The following MAP9 variants were observed in gnomAD, a reference collection of about 807,000 sequenced individuals.
MAP9 encodes microtubule-associated protein 9.
In MAP9, 80 loss-of-function variants were observed where a neutral mutation model predicts 75.2. That is an observed-to-expected ratio of 1.06 (90% CI 0.89 to 1.28). The LOEUF (loss-of-function observed/expected upper bound fraction) is 1.28. Among genes scored for constraint, MAP9 ranks in the 50% most tolerant of loss-of-function variants. The pLI is 0.00. For missense variants in MAP9, 753 were observed against 719.9 expected, an observed-to-expected ratio of 1.05 and a Z score of -0.53; for synonymous variants, 235 against 237.3, an observed-to-expected ratio of 0.99 and a Z score of 0.09.
At chr4:155,348,508 A>T (rs893411931) in intron 13 of MAP9, among the ~76,000 whole-genome samples, 1 of 152,174 alleles carries the variant, frequency 6.6e-6, no homozygotes, top group Non-Finnish European at 1.5e-5. Context: ...AGTAACTGTT[A>T]TAAGTTGGTG....
chr4:155,351,406 T>C (rs12641825), intron 13 of MAP9, among the ~76,000 whole-genome samples: 91,947 of 150,398 alleles, frequency 0.61, 28,832 homozygotes, highest in East Asian at 0.79. Context: ...TTCTGTTTAA[T>C]CTCAAATTGT....
At position 155,347,829 on chromosome 4, in the gene MAP9, G is replaced by A. The variant is rs1301380723; in HGVS notation, c.1898C>T (p.Pro633Leu). Residue 633 changes from proline (P) to leucine (L), a missense_variant, in exon 14 of 14, where the codon CCT becomes CTT. Transcript: ENST00000311277. ...AGTTCTGCTTGGAGGGCTCCACGGA[G>A]GAAGTGCCTCACTTTCAAGAAAGGA... ...RHSFLESEAL[P>L]PWSPPSRTVF... is the part of the protein sequence containing the mutation. 2 of 1,609,756 alleles carry A rather than the reference G, an allele frequency of 1.2e-6. No individual in the cohort carries two copies. Among genetic ancestry groups the A allele is most frequent in the African/African-American group, 2.7e-5 (2 of 74,706 alleles).
At chr4:155,376,251 C>T (rs1240396687) in intron 1 of MAP9, 3 of 155,080 alleles carry the variant, frequency 1.9e-5, no homozygotes, top group African/African-American at 7.2e-5. Context: ...AAATAAGTCA[C>T]GTCTTATTTA....
chr4:155,368,686 T>C lies in MAP9; in HGVS notation c.608A>G (p.Glu203Gly). The change falls in exon 5 of 14, where the codon GAA becomes GGA. Residue 203 changes from glutamate to glycine, a missense_variant. By Grantham distance (98) the Glu-to-Gly change is moderately conservative. Coordinates refer to ENST00000311277, the MANE Select transcript of MAP9 (RefSeq NM_001039580.2). Reference sequence around the variant, plus strand: ...AGGTGCAGAATGTAACTCCAATTCTTCACTGAGGGCAGTTTCTTTATCTTC... The same window carrying C: ...AGGTGCAGAATGTAACTCCAATTCTCCACTGAGGGCAGTTTCTTTATCTTC... ...GLEDKETALS[E>G]ELELHSAPSS... The C allele has an allele frequency of 6.2e-7, 1 of 1,614,168 alleles. No individual in the cohort carries two copies. The highest frequency in any genetic ancestry group is 1.3e-5 in the African/African-American group (1 of 75,056).
At chr4:155,374,895 A>C (rs759163478) in intron 3 of MAP9, 42 bp downstream of exon 3, 5 of 1,377,324 alleles carry the variant, frequency 3.6e-6, no homozygotes, top group Non-Finnish European at 5.0e-6. Context: ...CTAAGGAAGC[A>C]AAAAGAAGAA....
chr4:155,368,198 TA>T, intron 5 of MAP9: 1 of 300,376 alleles, frequency 3.3e-6, no homozygotes, highest in East Asian at 5.9e-5. Context: ...TTCTTAGCCA[TA>T]AATTACATAA....
At chr4:155,370,976 G>T (rs1169627755) in intron 4 of MAP9, among the ~76,000 whole-genome samples, 2 of 152,144 alleles carry the variant, frequency 1.3e-5, no homozygotes, top group Admixed American at 6.5e-5. Flanking sequence ...TGAGAACAAA[G>T]AGGTCTCATG....
Position 155,373,203 on chromosome 4 carries a change from T to C in MAP9, c.414A>G (p.Glu138=). ...SFSESQNKDE[E]FEKDKIKMKP... ...TCATTTTTATTTTGTCTTTTTCAAATTCCTCATCCTTATTTTGAGATTCAG... is the reference window on the plus strand; with the variant it reads ...TCATTTTTATTTTGTCTTTTTCAAACTCCTCATCCTTATTTTGAGATTCAG... The change falls in exon 4 of 14, where the codon GAA becomes GAG. Residue 138 remains glutamate (E), a synonymous_variant. Transcript: ENST00000311277. The C allele has an allele frequency of 6.2e-7, 1 of 1,601,992 alleles. No individual in the cohort carries two copies. Among genetic ancestry groups the C allele is most frequent in the Non-Finnish European group, 8.5e-7 (1 of 1,175,486 alleles).
At chr4:155,350,696 T>C (rs1280124235) in intron 13 of MAP9, among the ~76,000 whole-genome samples, 1 of 152,030 alleles carries the variant, frequency 6.6e-6, no homozygotes, top group Non-Finnish European at 1.5e-5. Flanking sequence ...CCTTATTTTA[T>C]TACTATTTCT....
Position 155,347,739 on chromosome 4 carries a change from T to C in MAP9, c.*44A>G, listed in dbSNP as rs749707655. The C allele has an allele frequency of 2.0e-5, 31 of 1,545,594 alleles. No individual in the cohort carries two copies. In the South Asian group the frequency reaches 3.4e-4, roughly 17 times the overall value. On this transcript the variant is annotated 3_prime_UTR_variant, in exon 14 of 14. Coordinates refer to ENST00000311277, the MANE Select transcript of MAP9 (RefSeq NM_001039580.2). The stretch of plus-strand genomic sequence containing the variant: ...AATGGTTTTAAATCTATGGCTAATA[T>C]TGGCAAACCGATAAATAACCAAATA...
chr4:155,360,465 G>C (rs199616361), intron 6 of MAP9, 50 bp from the exon 7 acceptor site: 144 of 1,518,608 alleles, frequency 9.5e-5, no homozygotes, highest in Non-Finnish European at 1.2e-4. Flanking sequence ...GAATTAATAA[G>C]GTAAATACTT....
intron 4 of MAP9, among the ~76,000 whole-genome samples, chr4:155,370,855 G>A (rs1732563139): frequency 6.6e-6 from 1 of 152,148 alleles, no homozygotes; most frequent in African/African-American, 2.4e-5. Context: ...TTTATAGAGT[G>A]CTAAATTTAT....
chr4:155,356,189 C>T (rs1731778866), intron 8 of MAP9, among the ~76,000 whole-genome samples: 1 of 151,982 alleles, frequency 6.6e-6, no homozygotes, highest in Non-Finnish European at 1.5e-5. Context: ...ATAGCTTGAG[C>T]CCAGGAGGCA....
At chr4:155,351,318 G>A (rs1458522593) in intron 13 of MAP9, 7 of 151,878 alleles carry the variant, frequency 4.6e-5, no homozygotes, top group Admixed American at 4.6e-4. Context: ...CCATGTATCA[G>A]GGCAAATTCC....
chr4:155,373,374 A>T lies in MAP9; in HGVS notation c.243T>A (p.Asp81Glu). 6.2e-7 allele frequency: 1 copy of T among 1,611,240 alleles called. No individual in the cohort carries two copies. The highest frequency in any genetic ancestry group is 8.5e-7 in the Non-Finnish European group (1 of 1,178,454). Reference protein sequence around the residue: ...KKMNDFHISDDEEKNPSKLLF... With the variant: ...KKMNDFHISDEEEKNPSKLLF... ...ATAGTTTTGAAGGATTCTTTTCTTC[A>T]TCATCTGATATATGAAAGTCATTCA... Residue 81 changes from aspartate to glutamate, a missense_variant, in exon 4 of 14, where the codon GAT (aspartate) becomes GAA (glutamate). Coordinates refer to ENST00000311277, the MANE Select transcript of MAP9 (RefSeq NM_001039580.2).
At position 155,344,742 on chromosome 4, in the gene MAP9, T is replaced by TAA. The variant is rs1175442936; in HGVS notation, c.*3039_*3040dup. ...ATCTAAAATGCCATATTGCATCTTT[T>TAA]AAGTTAAATAGCATTACCACTTTCT... On this transcript the variant is annotated 3_prime_UTR_variant, in exon 14 of 14. Coordinates refer to ENST00000311277, the MANE Select transcript of MAP9 (RefSeq NM_001039580.2). The TAA allele has an allele frequency of 2.0e-5, 3 of 152,012 alleles. No individual in the cohort carries two copies. The highest frequency in any genetic ancestry group is 7.2e-5 in the African/African-American group (3 of 41,450). The allele number at this position is 152,012 out of a possible 1,614,324, so 9.4% of individuals were successfully genotyped here. A position where few individuals can be genotyped will look rare whatever the true frequency, so the allele number is the denominator to read the frequency against.
chr4:155,368,587 T>A lies in MAP9; in HGVS notation c.707A>T (p.Glu236Val). The change falls in exon 5 of 14, where the codon GAG becomes GTG. Residue 236 changes from glutamate (E) to valine (V), a missense_variant and splice_region_variant. Coordinates refer to ENST00000311277, the MANE Select transcript of MAP9 (RefSeq NM_001039580.2). ...CAACAGTTTAGTGGTAGTGCTAACCTCAGGATCAAGGTTTTCAGAGAATGC... is the reference window on the plus strand; with the variant it reads ...CAACAGTTTAGTGGTAGTGCTAACCACAGGATCAAGGTTTTCAGAGAATGC... ...KKAFSENLDP[E>V]DSCLTSLASS... is the part of the protein sequence containing the mutation. 6.2e-7 allele frequency: 1 copy of A among 1,612,006 alleles called. No homozygotes were observed. Among genetic ancestry groups the A allele is most frequent in the Non-Finnish European group, 8.5e-7 (1 of 1,178,020 alleles).
chr4:155,352,732 T>C lies in MAP9; in HGVS notation c.1689-4A>G, dbSNP rs773685069. ...AAAAGCTTCCTTTTTTTCATTCCTA[T>C]AGAGCATAGTATAAAACACTGGAGA... On this transcript the variant is annotated splice_region_variant and splice_polypyrimidine_tract_variant and intron_variant, in intron 12 of 13. Coordinates refer to ENST00000311277, the MANE Select transcript of MAP9 (RefSeq NM_001039580.2). The C allele has an allele frequency of 2.0e-5, 31 of 1,543,096 alleles. No individual in the cohort carries two copies. Among genetic ancestry groups the C allele is most frequent in the Non-Finnish European group, 2.5e-5 (28 of 1,137,216 alleles).
At chr4:155,353,463 T>C in intron 10 of MAP9, 123 bp from the exon 11 acceptor site, 3 of 785,116 alleles carry the variant, frequency 3.8e-6, no homozygotes, top group Non-Finnish European at 3.5e-6. Context: ...TCATTATACT[T>C]AGAAATTAAC....
Sources: gnomAD v4.1 joint callset for allele counts (sites outside exome capture counted in the v4.1 genomes callset) on GRCh38, gnomAD v4.1.1 for gene constraint, MANE v1.5 for transcripts, NCBI Gene and HGNC (gene_info 2026-07-23, HGNC 2026-07-21) for gene names.